Variants in SPATA6L observed in about 807,000 individuals in gnomAD.
The protein encoded by SPATA6L is spermatogenesis associated 6-like protein.
Under a neutral mutation model 49.2 loss-of-function variants are expected in SPATA6L, and 68 were observed. That is an observed-to-expected ratio of 1.38 (90% CI 1.14 to 1.69). SPATA6L has a LOEUF of 1.69. Ranked by LOEUF, SPATA6L falls within the 40% of genes most tolerant of loss-of-function variation. The pLI, the probability that SPATA6L is intolerant of heterozygous loss-of-function variation, is 0.00. For synonymous variants in SPATA6L, 198 were observed against 165.7 expected, an observed-to-expected ratio of 1.19 and a Z score of -1.50; for missense variants, 668 against 464.3, an observed-to-expected ratio of 1.44 and a Z score of -4.03.
chr9:4,646,950 G>T (rs558326969), intron 3 of SPATA6L, among the ~76,000 whole-genome samples: 29 of 151,896 alleles, frequency 1.9e-4, no homozygotes, highest in South Asian at 6.2e-4. Context: ...GAGAGGATCA[G>T]AAAAAATAAC....
At chr9:4,593,941 C>A (rs1457478371), downstream of SPATA6L, among the ~76,000 whole-genome samples, 2 of 152,196 alleles carry the variant, frequency 1.3e-5, no homozygotes, top group East Asian at 3.9e-4. Context: ...TTCTGGTCTT[C>A]CTCTCTCCAC....
rs143394815 is a variant in SPATA6L, at chr9:4,603,154, G to A, written c.*1+1025C>T. Among the ~76,000 whole-genome samples, 1,212 of 152,264 alleles carry A rather than the reference G, an allele frequency of 8.0e-3. 18 individuals are homozygous for A. Among genetic ancestry groups the A allele is most frequent in the African/African-American group, 0.028 (1,168 of 41,548 alleles). On this transcript the variant is annotated intron_variant, in intron 11 of 11. Transcript: ENST00000682582. ...TTTATAAAAACTCTTTACTGCGACC[G>A]GGCACGGTGGCTCACGCCTGTAATA...
rs1473827184 is a variant in SPATA6L at position 4,600,068 on chromosome 9, G to A, written c.*743C>T. Among the ~76,000 whole-genome samples, 1 of 152,170 alleles carries A rather than the reference G, an allele frequency of 6.6e-6. No homozygotes were observed. Among genetic ancestry groups the A allele is most frequent in the African/African-American group, 2.4e-5 (1 of 41,442 alleles). ...AAACCTGGCATTGGCAGTCCTATCT[G>A]TAGAACCTATTTACTTAATGTGTAG... On this transcript the variant is annotated 3_prime_UTR_variant, in exon 12 of 12. Transcript: ENST00000682582.
At chr9:4,643,421 C>T (rs1834497071) in intron 3 of SPATA6L, among the ~76,000 whole-genome samples, 1 of 152,082 alleles carries the variant, frequency 6.6e-6, no homozygotes, top group African/African-American at 2.4e-5. Flanking sequence ...GATCAGTTTA[C>T]CCCAGTTTAA....
At chr9:4,661,682 A>G (rs1839788728) in intron 2 of SPATA6L, among the ~76,000 whole-genome samples, 1 of 152,082 alleles carries the variant, frequency 6.6e-6, no homozygotes, top group Non-Finnish European at 1.5e-5. Flanking sequence ...AATAGGAAAC[A>G]TCAACCAGGG....
chr9:4,615,843 G>C (rs1013174743), intron 9 of SPATA6L, among the ~76,000 whole-genome samples: 3 of 152,204 alleles, frequency 2.0e-5, no homozygotes, highest in Admixed American at 2.0e-4. Flanking sequence ...CTTTTAAGGA[G>C]TTTGGGAGGT....
intron 9 of SPATA6L, among the ~76,000 whole-genome samples, chr9:4,614,363 C>T (rs1827480074): frequency 6.6e-6 from 1 of 152,142 alleles, no homozygotes; most frequent in Non-Finnish European, 1.5e-5. Context: ...TCCTTACTGA[C>T]TTCAGTATTA....
chr9:4,593,360 C>T (rs567673582), downstream of SPATA6L, among the ~76,000 whole-genome samples: 2 of 152,088 alleles, frequency 1.3e-5, no homozygotes, highest in African/African-American at 2.4e-5. Flanking sequence ...CATCTAGCTG[C>T]CCAGCCTCAC....
At chr9:4,654,744 G>C (rs1258039763) in intron 3 of SPATA6L, among the ~76,000 whole-genome samples, 1 of 152,186 alleles carries the variant, frequency 6.6e-6, no homozygotes, top group African/African-American at 2.4e-5. Flanking sequence ...CGTTCTGCCA[G>C]TGCCAATGTA....
chr9:4,604,040 C>T (rs939095951), intron 11 of SPATA6L, 139 bp downstream of exon 11: 13 of 571,292 alleles, frequency 2.3e-5, no homozygotes, highest in African/African-American at 1.1e-4. Flanking sequence ...AAGGGAAGAA[C>T]GCAGTTCTCA....
chr9:4,664,090 T>C (rs575857234), intron 1 of SPATA6L: 7 of 167,256 alleles, frequency 4.2e-5, no homozygotes, highest in African/African-American at 1.7e-4. Context: ...CCCATGCTTA[T>C]TTTTGTTTAC....
chr9:4,626,582 T>C, intron 5 of SPATA6L: 5 of 1,294,120 alleles, frequency 3.9e-6, no homozygotes, highest in Non-Finnish European at 5.1e-6. Flanking sequence ...CTTCCTGCAG[T>C]TACTCTGTCA....
At chr9:4,661,303 A>C (rs1004737511) in intron 2 of SPATA6L, among the ~76,000 whole-genome samples, 1 of 152,210 alleles carries the variant, frequency 6.6e-6, no homozygotes, top group Admixed American at 6.5e-5. Flanking sequence ...GTGATGACAT[A>C]GTAATAACAT....
chr9:4,626,676 C>T (rs919941351), intron 5 of SPATA6L: 1 of 877,474 alleles, frequency 1.1e-6, no homozygotes, highest in Non-Finnish European at 1.5e-6. Flanking sequence ...CTGTTACAGT[C>T]ACAAGTTTGG....
In SPATA6L at chr9:4,662,445, C is replaced by G; in HGVS notation, c.40-409G>C. On this transcript the variant is annotated intron_variant, in intron 1 of 11. Coordinates refer to ENST00000682582, the MANE Select transcript of SPATA6L (RefSeq NM_001353486.2). The surrounding 1 kb of genome is among the most constrained non-coding windows in gnomAD (Gnocchi z 4.9). The stretch of plus-strand genomic sequence containing the variant: ...CTCCGCTTCGAGCAGCAGCAGCAGC[C>G]CCGGCAGCCCAGCCCATGGCGGCGG... 3 of 1,544,976 alleles carry G rather than the reference C, an allele frequency of 1.9e-6. No homozygotes were observed. The highest frequency in any genetic ancestry group is 2.6e-6 in the Non-Finnish European group (3 of 1,154,124).
intron 8 of SPATA6L, 51 bp downstream of exon 8, chr9:4,618,813 C>T (rs770556853): frequency 9.8e-6 from 15 of 1,524,072 alleles, no homozygotes; most frequent in Middle Eastern, 3.5e-4. Context: ...CAATAATTGA[C>T]ATAAGATATC....
At chr9:4,644,180 CTGCAAAA>C (rs2130656676) in intron 3 of SPATA6L, among the ~76,000 whole-genome samples, 1 of 88,888 alleles carries the variant, frequency 1.1e-5, no homozygotes, top group South Asian at 3.9e-4. Context: ...GATGCCATCT[CTGCAAAA>C]AAAAAAAAAA....
At chr9:4,660,891 T>A (rs1839519001) in intron 2 of SPATA6L, among the ~76,000 whole-genome samples, 1 of 152,190 alleles carries the variant, frequency 6.6e-6, no homozygotes, top group Non-Finnish European at 1.5e-5. Flanking sequence ...GGGACATGGA[T>A]GAAGCTGGAA....
intron 3 of SPATA6L, among the ~76,000 whole-genome samples, chr9:4,638,797 T>C (rs1420745827): frequency 2.9e-4 from 33 of 113,064 alleles, no homozygotes; most frequent in East Asian, 2.3e-3. Context: ...TTTCTTTTTT[T>C]TTTTTGAGAT....
Sources: allele counts gnomAD v4.1 joint callset (sites outside exome capture counted in the v4.1 genomes callset), GRCh38; gene constraint gnomAD v4.1.1; non-coding constraint Gnocchi (gnomAD v3.1); transcripts MANE v1.5; gene names NCBI Gene and HGNC (gene_info 2026-07-23, HGNC 2026-07-21).